ATL1: variants seen among roughly 807,000 people sequenced by gnomAD.
The protein encoded by ATL1 is atlastin-1.
In ATL1, 31 loss-of-function variants were observed where a neutral mutation model predicts 75.5. The ratio of observed to expected loss-of-function variants is 0.41; its 90% CI spans 0.31 to 0.55. The LOEUF (loss-of-function observed/expected upper bound fraction) is 0.55, where lower values mean the gene tolerates loss of function less well. Ranked by LOEUF, ATL1 falls within the 20% of genes least tolerant of loss-of-function variation. ATL1 has a pLI of 0.27. For missense variants in ATL1, 405 were observed against 662.6 expected, an observed-to-expected ratio of 0.61 and a Z score of 4.27; for synonymous variants, 226 against 233.3, an observed-to-expected ratio of 0.97 and a Z score of 0.28.
intron 10 of ATL1, among the ~76,000 whole-genome samples, chr14:50,622,164 T>A (rs2039472974): frequency 6.6e-6 from 1 of 152,208 alleles, no homozygotes; most frequent in Admixed American, 6.5e-5. Flanking sequence ...TCTATTATGA[T>A]TTAGATTCAC....
intron 1 of ATL1, among the ~76,000 whole-genome samples, chr14:50,550,588 G>T (rs1566709498): frequency 6.6e-6 from 1 of 152,226 alleles, no homozygotes; most frequent in Non-Finnish European, 1.5e-5. Flanking sequence ...ACTAGGGATT[G>T]TCTCTGCAGG....
At chr14:50,579,183 T>TATATACA (rs1470621460) in intron 1 of ATL1, among the ~76,000 whole-genome samples, 1 of 152,180 alleles carries the variant, frequency 6.6e-6, no homozygotes, top group Non-Finnish European at 1.5e-5. Context: ...TGGTGAGAGC[T>TATATACA]AAGGATGATG....
chr14:50,631,805 G>A (rs2039583927), intron 13 of ATL1, among the ~76,000 whole-genome samples: 1 of 152,098 alleles, frequency 6.6e-6, no homozygotes. Context: ...AATAAAATTG[G>A]CCCCACTCAG....
chr14:50,624,600 C>T lies in ATL1; in HGVS notation c.1119+1352C>T, dbSNP rs115580605. Among the ~76,000 whole-genome samples, 860 of 152,112 alleles carry T rather than the reference C, an allele frequency of 5.7e-3. 6 individuals are homozygous for T. The highest frequency in any genetic ancestry group is 0.02 in the African/African-American group (829 of 41,526). On this transcript the variant is annotated intron_variant, in intron 11 of 13. Transcript: ENST00000358385. ...GGCCAATTAATAACCCCACAATGGC[C>T]TTTAAGTGTTGAAGTTCAAAGAGAC...
At chr14:50,580,089 A>AT (rs2039041956) in intron 1 of ATL1, among the ~76,000 whole-genome samples, 1 of 152,186 alleles carries the variant, frequency 6.6e-6, no homozygotes, top group Non-Finnish European at 1.5e-5. Flanking sequence ...CACAATCAAT[A>AT]TTTAGAACTG....
At chr14:50,595,772 C>T in intron 6 of ATL1, 140 bp downstream of exon 6, 1 of 715,076 alleles carries the variant, frequency 1.4e-6, no homozygotes, top group Non-Finnish European at 2.4e-6. Context: ...CTATTTGATG[C>T]AATATAGAAT....
At chr14:50,567,691 T>A (rs2038917786) in intron 1 of ATL1, among the ~76,000 whole-genome samples, 1 of 152,220 alleles carries the variant, frequency 6.6e-6, no homozygotes, top group Non-Finnish European at 1.5e-5. Flanking sequence ...CTCATTGTAG[T>A]TTTGATTAGC....
chr14:50,566,081 TC>T (rs1255921207), intron 1 of ATL1, among the ~76,000 whole-genome samples: 1 of 152,174 alleles, frequency 6.6e-6, no homozygotes, highest in Non-Finnish European at 1.5e-5. Flanking sequence ...CACTGCAACC[TC>T]CGCCTCCCAG....
At chr14:50,630,419 G>A (rs2039568874) in intron 13 of ATL1, among the ~76,000 whole-genome samples, 1 of 152,172 alleles carries the variant, frequency 6.6e-6, no homozygotes, top group African/African-American at 2.4e-5. Flanking sequence ...TTCAACTTTG[G>A]CTTTTGACTG....
rs1258487863 is a variant in ATL1, at chr14:50,574,931, GTGTGTGTATATATATATATATA to G, written c.35-12898_35-12877del. 1.3e-3 allele frequency among the ~76,000 whole-genome samples: 101 copies of G among 78,738 alleles called. 3 individuals carry two copies. The highest frequency in any genetic ancestry group is 4.6e-3 in the African/African-American group (84 of 18,126). 51.7% of individuals were successfully genotyped at this position (78,738 alleles called of 152,430 possible). A position where few individuals can be genotyped will look rare whatever the true frequency, so the allele number is the denominator to read the frequency against. On this transcript the variant is annotated intron_variant, in intron 1 of 13. Transcript: ENST00000358385. ...TGAGTGTGTGTGTGTGTGTGTGTGT[GTGTGTGTATATATATATATATA>G]TATATATATATATATATATATATTA...
chr14:50,535,568 AATT>A (rs2038481346), intron 1 of ATL1, among the ~76,000 whole-genome samples: 1 of 147,808 alleles, frequency 6.8e-6, no homozygotes, highest in African/African-American at 2.5e-5. Context: ...ATTTTTAAAT[AATT>A]ATTATTAAAC....
chr14:50,565,783 C>T (rs2038897619), intron 1 of ATL1, among the ~76,000 whole-genome samples: 1 of 151,996 alleles, frequency 6.6e-6, no homozygotes, highest in Non-Finnish European at 1.5e-5. Flanking sequence ...TGTAGTACTT[C>T]CAGTAATAAA....
chr14:50,540,531 T>C (rs2038547967), intron 1 of ATL1, among the ~76,000 whole-genome samples: 1 of 152,194 alleles, frequency 6.6e-6, no homozygotes, highest in Non-Finnish European at 1.5e-5. Flanking sequence ...TGTAGCCTTT[T>C]ACCAGGGTGA....
rs117202882 is a variant in ATL1, at chr14:50,581,219, A to G, written c.35-6612A>G. 3.0e-3 allele frequency among the ~76,000 whole-genome samples: 449 copies of G among 151,872 alleles called. 2 individuals carry two copies. Among genetic ancestry groups the G allele is most frequent in the Non-Finnish European group, 5.1e-3 (344 of 67,854 alleles). On this transcript the variant is annotated intron_variant, in intron 1 of 13. Coordinates refer to ENST00000358385, the MANE Select transcript of ATL1 (RefSeq NM_015915.5). ...CTTTTTACTGTTTCTTGACATAGAT[A>G]TTAGCTTATGATTTTTTTCAAGCAT...
At chr14:50,616,470 ATTTAT>A (rs1299313394) in intron 8 of ATL1, among the ~76,000 whole-genome samples, 5 of 94,612 alleles carry the variant, frequency 5.3e-5, no homozygotes, top group Non-Finnish European at 8.0e-5. Context: ...TTATTTATTT[ATTTAT>A]TTATTTATTT....
chr14:50,574,472 G>A (rs933500670), intron 1 of ATL1, among the ~76,000 whole-genome samples: 1 of 152,154 alleles, frequency 6.6e-6, no homozygotes, highest in African/African-American at 2.4e-5. Context: ...GATTGAGCAT[G>A]ACACAGACAA....
chr14:50,548,536 G>A (rs2038662673), intron 1 of ATL1, among the ~76,000 whole-genome samples: 3 of 152,146 alleles, frequency 2.0e-5, no homozygotes, highest in Admixed American at 2.0e-4. Flanking sequence ...TTGAGATGGA[G>A]TCTTGCTCTG....
chr14:50,536,503 A>G (rs2140140134), intron 1 of ATL1, among the ~76,000 whole-genome samples: 1 of 152,108 alleles, frequency 6.6e-6, no homozygotes, highest in African/African-American at 2.4e-5. Context: ...ACCTGAAAAT[A>G]TGGAAGCAAC....
chr14:50,629,958 A>C (rs2039563632), intron 12 of ATL1, 37 bp from the exon 13 acceptor site: 1 of 1,524,944 alleles, frequency 6.6e-7, no homozygotes, highest in Admixed American at 1.8e-5. Flanking sequence ...CAGGATATAT[A>C]CTTTTCTTTT....
Sources: gnomAD v4.1 joint callset for allele counts (sites outside exome capture counted in the v4.1 genomes callset) on GRCh38, gnomAD v4.1.1 for gene constraint, MANE v1.5 for transcripts, NCBI Gene and HGNC (gene_info 2026-07-23, HGNC 2026-07-21) for gene names.